The following HSD17B2 variants were observed in gnomAD, a reference collection of about 807,000 sequenced individuals.
The protein encoded by HSD17B2 is 17-beta-hydroxysteroid dehydrogenase type 2.
In HSD17B2, 32 loss-of-function variants were observed where a neutral mutation model predicts 26.9. That is an observed-to-expected ratio of 1.19 (90% CI 0.90 to 1.60). The LOEUF (loss-of-function observed/expected upper bound fraction) is 1.60, where lower values mean the gene tolerates loss of function less well. HSD17B2 is among the 40% of genes most tolerant of loss of function. The pLI, the probability that HSD17B2 is intolerant of heterozygous loss-of-function variation, is 0.00. For missense variants in HSD17B2, 613 were observed against 468.6 expected, an observed-to-expected ratio of 1.31 and a Z score of -2.85; for synonymous variants, 246 against 186.7, an observed-to-expected ratio of 1.32 and a Z score of -2.59.
At chr16:82,062,111 C>T (rs1914456749) in intron 1 of HSD17B2, among the ~76,000 whole-genome samples, 1 of 152,248 alleles carries the variant, frequency 6.6e-6, no homozygotes, top group Non-Finnish European at 1.5e-5. Flanking sequence ...TTTGCAACTA[C>T]ATTACACAAT....
At chr16:82,047,078 G>A (rs8191071) in intron 1 of HSD17B2, among the ~76,000 whole-genome samples, 1 of 152,174 alleles carries the variant, frequency 6.6e-6, no homozygotes, top group African/African-American at 2.4e-5. Context: ...CCTTAAGAAA[G>A]AGAACTCCTT....
At chr16:82,045,526 T>C (rs1913899355) in intron 1 of HSD17B2, among the ~76,000 whole-genome samples, 1 of 152,228 alleles carries the variant, frequency 6.6e-6, no homozygotes, top group Admixed American at 6.5e-5. Flanking sequence ...TTTACCTATT[T>C]TCTATCTTTT....
intron 1 of HSD17B2, among the ~76,000 whole-genome samples, chr16:82,042,047 G>T (rs796852121): frequency 3.3e-5 from 5 of 150,782 alleles, no homozygotes; most frequent in African/African-American, 1.2e-4. Context: ...CTGTCACCCA[G>T]GCTGGAGTGC....
intron 1 of HSD17B2, among the ~76,000 whole-genome samples, chr16:82,065,728 T>A (rs1033510045): frequency 1.3e-5 from 2 of 152,220 alleles, no homozygotes; most frequent in African/African-American, 4.8e-5. Context: ...CCTTCTCTGC[T>A]GACACAGATG....
chr16:82,091,120 T>C (rs770858482), intron 4 of HSD17B2, 81 bp downstream of exon 4: 10 of 1,319,696 alleles, frequency 7.6e-6, no homozygotes, highest in East Asian at 4.6e-5. Flanking sequence ...AGAGCACACA[T>C]TGAACCCCTC....
chr16:82,097,611 G>A (rs1321506333), intron 4 of HSD17B2: 1 of 152,174 alleles, frequency 6.6e-6, no homozygotes, highest in Non-Finnish European at 1.5e-5. Flanking sequence ...GTTTAGAAAT[G>A]ATAATAAATG....
chr16:82,048,750 C>A (rs930340547), intron 1 of HSD17B2, among the ~76,000 whole-genome samples: 3 of 152,186 alleles, frequency 2.0e-5, no homozygotes, highest in African/African-American at 7.2e-5. Flanking sequence ...GTTAGAAAGG[C>A]AATTTACTTA....
chr16:82,052,675 A>G (rs1597123740), intron 1 of HSD17B2, among the ~76,000 whole-genome samples: 1 of 152,214 alleles, frequency 6.6e-6, no homozygotes, highest in Middle Eastern at 3.4e-3. Context: ...CTATTTTTTT[A>G]TGCTCAAAAC....
At chr16:82,037,071 C>A (rs767646493) in intron 1 of HSD17B2, among the ~76,000 whole-genome samples, 8 of 152,194 alleles carry the variant, frequency 5.3e-5, no homozygotes, top group South Asian at 2.1e-4. Flanking sequence ...ATGCACCCAA[C>A]TCAGTGAGCC....
In HSD17B2 at chr16:82,081,276, T is replaced by C. The variant is rs560343067; in HGVS notation, c.665-9626T>C. On this transcript the variant is annotated intron_variant, in intron 3 of 4. Coordinates refer to ENST00000199936, the MANE Select transcript of HSD17B2 (RefSeq NM_002153.3). ...AACTCTCAGAAGCAAACTGAAGCTG[T>C]TCCCGCATGAACTTCCCTAAATTCT... Among the ~76,000 whole-genome samples, 6 of 125,180 alleles carry C rather than the reference T, an allele frequency of 4.8e-5. No homozygotes were observed. The East Asian group carries it at 1.7e-3, about 35-fold the overall frequency. 82.1% of individuals were successfully genotyped at this position (125,180 alleles called of 152,430 possible).
Position 82,035,687 on chromosome 16 carries a change from C to G in HSD17B2, c.263C>G (p.Thr88Arg). 1 of 1,613,090 alleles carries G rather than the reference C, an allele frequency of 6.2e-7. No individual in the cohort carries two copies. The highest frequency in any genetic ancestry group is 8.5e-7 in the Non-Finnish European group (1 of 1,179,460). The stretch of plus-strand genomic sequence containing the variant: ...GTGGATCAGAAGGCAGTCCTGGTGA[C>G]AGGTAAGCAGACGGTGCTACAATTT... Reference protein sequence around the residue: ...LPVDQKAVLVTGGDCGLGHAL... With the variant: ...LPVDQKAVLVRGGDCGLGHAL... Residue 88 changes from threonine (T) to arginine (R), a missense_variant and splice_region_variant, in exon 1 of 5, where the codon ACA becomes AGA. Transcript: ENST00000199936.
chr16:82,078,111 A>C (rs1904312369), intron 3 of HSD17B2, among the ~76,000 whole-genome samples: 1 of 152,238 alleles, frequency 6.6e-6, no homozygotes, highest in Admixed American at 6.5e-5. Flanking sequence ...GAATGGGAGA[A>C]AATATCTGCA....
At chr16:82,047,825 A>G (rs1393666510) in intron 1 of HSD17B2, among the ~76,000 whole-genome samples, 3 of 152,312 alleles carry the variant, frequency 2.0e-5, no homozygotes, top group Middle Eastern at 3.4e-3. Context: ...AGCTCCATGC[A>G]GGGAGGCACT....
chr16:82,086,718 T>C (rs1904537595), intron 3 of HSD17B2, among the ~76,000 whole-genome samples: 1 of 152,234 alleles, frequency 6.6e-6, no homozygotes, highest in Non-Finnish European at 1.5e-5. Flanking sequence ...AGGCAGGTCT[T>C]GTTGTTGACT....
chr16:82,097,957 A>AAAAT (rs1904902208), intron 4 of HSD17B2, 118 bp from the exon 5 acceptor site: 3 of 929,442 alleles, frequency 3.2e-6, no homozygotes, highest in East Asian at 2.9e-5. Flanking sequence ...AAAAAATAAA[A>AAAAT]AAATAAATAA....
intron 3 of HSD17B2, 79 bp from the exon 4 acceptor site, chr16:82,090,823 T>G (rs1904670202): frequency 1.5e-6 from 2 of 1,358,112 alleles, no homozygotes; most frequent in African/African-American, 1.5e-5. Flanking sequence ...CTACATACAG[T>G]AGACACTGAT....
chr16:82,035,857 G>T (rs1156455095), intron 1 of HSD17B2, among the ~76,000 whole-genome samples, 168 bp downstream of exon 1: 1 of 152,046 alleles, frequency 6.6e-6, no homozygotes, highest in Admixed American at 6.6e-5. Flanking sequence ...TTTTTTCCAG[G>T]AGGTGCATTT....
chr16:82,042,415 G>C (rs539745276), intron 1 of HSD17B2, among the ~76,000 whole-genome samples: 6 of 152,226 alleles, frequency 3.9e-5, no homozygotes, highest in Non-Finnish European at 1.5e-5. Context: ...TCTAAAACTT[G>C]GTGGAGGGTG....
chr16:82,090,080 C>A, intron 3 of HSD17B2: 1 of 222,836 alleles, frequency 4.5e-6, no homozygotes, highest in Non-Finnish European at 7.6e-6. Context: ...TTCTCACATC[C>A]TCTTAAAGAG....
Sources: allele counts gnomAD v4.1 joint callset (sites outside exome capture counted in the v4.1 genomes callset), GRCh38; gene constraint gnomAD v4.1.1; transcripts MANE v1.5; gene names NCBI Gene and HGNC (gene_info 2026-07-23, HGNC 2026-07-21).